NFASC: variants seen among roughly 807,000 people sequenced by gnomAD.
NFASC encodes the protein neurofascin homolog.
A neutral mutation model predicts 147.5 loss-of-function variants in NFASC; 43 were observed. The ratio of observed to expected loss-of-function variants is 0.29; its 90% confidence interval spans 0.23 to 0.38. The LOEUF is 0.38. Among genes scored for constraint, NFASC ranks in the 10% least tolerant of loss-of-function variants. The pLI is 1.00. For synonymous variants in NFASC, 622 were observed against 665.5 expected, an observed-to-expected ratio of 0.93 and a Z score of 1.01; for missense variants, 1,320 against 1,689.0, an observed-to-expected ratio of 0.78 and a Z score of 3.83.
Position 204,944,340 on chromosome 1 carries a change from T to G in NFASC, c.25T>G (p.Trp9Gly). The G allele has an allele frequency of 6.2e-7, 1 of 1,613,820 alleles. No homozygotes were observed. Among genetic ancestry groups the G allele is most frequent in the Non-Finnish European group, 8.5e-7 (1 of 1,179,920 alleles). Residue 9 changes from tryptophan to glycine, a missense_variant, in exon 3 of 30, where the codon TGG becomes GGG. Physicochemically the swap from Trp to Gly is radical, Grantham distance 184 (BLOSUM62 -2). This residue lies in a region of NFASC where 981 missense variants were observed against 1,289.5 expected (regional missense o/e 0.76). Transcript: ENST00000339876. MARQPPPP[W>G]VHAAFLLCLL... is the part of the protein sequence containing the mutation. Reference sequence around the variant, plus strand: ...GATGGCCAGGCAGCCACCGCCGCCCTGGGTCCATGCAGCCTTCCTCCTCTG... The same window carrying G: ...GATGGCCAGGCAGCCACCGCCGCCCGGGGTCCATGCAGCCTTCCTCCTCTG...
At position 204,975,446 on chromosome 1, in the gene NFASC, G is replaced by T. The variant is rs368589373; in HGVS notation, c.1706+28G>T. On this transcript the variant is annotated intron_variant, in intron 15 of 29. Transcript: ENST00000339876. The surrounding 1 kb of genome is among the most constrained non-coding windows in gnomAD (Gnocchi z 4.0). ...TTCTCTTCCCCCTTCCCCCTTCCTA[G>T]TGCTAGTTTGAGGCGCATTTTCTTT... is the stretch of plus-strand genomic sequence containing the variant. The T allele has an allele frequency of 5.6e-6, 9 of 1,594,720 alleles. No individual in the cohort carries two copies. Among genetic ancestry groups the T allele is most frequent in the Non-Finnish European group, 7.7e-6 (9 of 1,164,940 alleles).
intron 27 of NFASC, among the ~76,000 whole-genome samples, chr1:205,007,064 G>A (rs2096130594): frequency 6.6e-6 from 1 of 151,962 alleles, no homozygotes; most frequent in South Asian, 2.1e-4. Flanking sequence ...AGAGTTGTCG[G>A]GAGCTGGAGG....
At chr1:204,898,403 G>A (rs1181268942) in intron 1 of NFASC, among the ~76,000 whole-genome samples, 1 of 152,200 alleles carries the variant, frequency 6.6e-6, no homozygotes, top group Non-Finnish European at 1.5e-5. Context: ...TTTCCCTCGA[G>A]TTTCTTAGGA....
At chr1:205,003,108 C>G (rs2096027264) in intron 27 of NFASC, among the ~76,000 whole-genome samples, 1 of 152,132 alleles carries the variant, frequency 6.6e-6, no homozygotes, top group Non-Finnish European at 1.5e-5. Flanking sequence ...TGCAGCCTGG[C>G]CTGTGCGCAC....
intron 1 of NFASC, among the ~76,000 whole-genome samples, chr1:204,838,715 T>C (rs1472281149): frequency 6.6e-6 from 1 of 152,174 alleles, no homozygotes; most frequent in Non-Finnish European, 1.5e-5. Context: ...CAGAGAAAGG[T>C]TCCCGGTCCT....
At position 204,975,958 on chromosome 1, in the gene NFASC, AG is replaced by A. The variant is rs1312035718; in HGVS notation, c.1706+541del. Among the ~76,000 whole-genome samples, 1 of 152,132 alleles carries A rather than the reference AG, an allele frequency of 6.6e-6. No individual in the cohort carries two copies. Among genetic ancestry groups the A allele is most frequent in the African/African-American group, 2.4e-5 (1 of 41,426 alleles). ...ACTTAGGACACTGGCAGGGTTTAAA[AG>A]TCCCCCTGGGGGTTCCAGTGTGCAT... On this transcript the variant is annotated intron_variant, in intron 15 of 29. Coordinates refer to ENST00000339876, the MANE Select transcript of NFASC (RefSeq NM_001005388.3). The surrounding 1 kb of genome is among the most constrained non-coding windows in gnomAD (Gnocchi z 4.0).
intron 1 of NFASC, among the ~76,000 whole-genome samples, chr1:204,874,977 C>T (rs1271242939): frequency 6.6e-6 from 1 of 152,178 alleles, no homozygotes; most frequent in Non-Finnish European, 1.5e-5. Flanking sequence ...GCAAATACCA[C>T]AATCCCCATT....
intron 4 of NFASC, among the ~76,000 whole-genome samples, chr1:204,951,542 C>T (rs1386387102): frequency 6.7e-6 from 1 of 148,934 alleles, no homozygotes; most frequent in Non-Finnish European, 1.5e-5. Context: ...GATCTCGGCT[C>T]ACTGCAAGCT....
rs2096404064 is a variant in NFASC, at chr1:205,022,112, CA to C, written c.*5577del. ...AAAGACTTCAGTGAAGCAATAAACA[CA>C]AAACTCTGGGAGAAGATATCCAGAA... On this transcript the variant is annotated 3_prime_UTR_variant, in exon 30 of 30. Coordinates refer to ENST00000339876, the MANE Select transcript of NFASC (RefSeq NM_001005388.3). The C allele has an allele frequency of 6.5e-6, 1 of 152,756 alleles. No individual in the cohort carries two copies. The highest frequency in any genetic ancestry group is 6.5e-5 in the Admixed American group (1 of 15,302). 9.5% of individuals were successfully genotyped at this position (152,756 alleles called of 1,614,324 possible).
chr1:204,870,363 G>A (rs1292819476), intron 1 of NFASC, among the ~76,000 whole-genome samples: 1 of 152,192 alleles, frequency 6.6e-6, no homozygotes, highest in Non-Finnish European at 1.5e-5. Context: ...TGTGGGGCCA[G>A]CACACAGCCC....
At chr1:204,936,060 G>C (rs1441964998) in intron 2 of NFASC, among the ~76,000 whole-genome samples, 3 of 152,048 alleles carry the variant, frequency 2.0e-5, no homozygotes, top group Admixed American at 2.0e-4. Context: ...GAGTGGGAGG[G>C]GGGTCCTGAG....
At chr1:204,845,956 C>T (rs909758224) in intron 1 of NFASC, among the ~76,000 whole-genome samples, 2 of 152,092 alleles carry the variant, frequency 1.3e-5, no homozygotes, top group South Asian at 2.1e-4. Flanking sequence ...GGCTGGAATT[C>T]GGAAGAAATG....
At chr1:204,905,370 GT>G (rs34545947) in intron 1 of NFASC, among the ~76,000 whole-genome samples, 44,759 of 146,978 alleles carry the variant, frequency 0.3, 6,798 homozygotes, top group African/African-American at 0.34. Context: ...GTTATTTTCA[GT>G]TTTTTTTTTT....
intron 2 of NFASC, among the ~76,000 whole-genome samples, chr1:204,927,985 G>A (rs183671721): frequency 7.0e-4 from 107 of 152,320 alleles, no homozygotes; most frequent in Middle Eastern, 3.4e-3. Flanking sequence ...GGTGGGATCG[G>A]AATTCCTCCC....
intron 1 of NFASC, among the ~76,000 whole-genome samples, chr1:204,852,493 C>T (rs1163020240): frequency 6.6e-6 from 1 of 152,130 alleles, no homozygotes; most frequent in Non-Finnish European, 1.5e-5. Flanking sequence ...GAGTGAAACT[C>T]CGTCTGAAAA....
At chr1:204,878,558 TG>T (rs2079494671) in intron 1 of NFASC, among the ~76,000 whole-genome samples, 1 of 152,344 alleles carries the variant, frequency 6.6e-6, no homozygotes, top group South Asian at 2.1e-4. Flanking sequence ...TGGTAAAATA[TG>T]GAATTATAAT....
At chr1:204,899,133 C>T (rs1426617705) in intron 1 of NFASC, among the ~76,000 whole-genome samples, 3 of 152,114 alleles carry the variant, frequency 2.0e-5, no homozygotes, top group Admixed American at 6.6e-5. Flanking sequence ...TAAGCACATA[C>T]GTATCAAAGG....
intron 2 of NFASC, among the ~76,000 whole-genome samples, chr1:204,931,689 A>C (rs868107356): frequency 2.6e-5 from 4 of 152,098 alleles, no homozygotes; most frequent in Admixed American, 6.5e-5. Flanking sequence ...AGACATTTCA[A>C]ACTGAATATA....
At position 204,986,119 on chromosome 1, in the gene NFASC, G is replaced by A; in HGVS notation, c.2471-1299G>A. ...AGTTCACCACCCCGGAAGGAGGTAG[G>A]TCTGGCCTGCAGCTCTTCAGGGTGG... On this transcript the variant is annotated intron_variant, in intron 21 of 29. Coordinates refer to ENST00000339876, the MANE Select transcript of NFASC (RefSeq NM_001005388.3). This position sits in a 1 kb window ranked among gnomAD's most constrained non-coding sequence, Gnocchi z 4.2. 6.2e-7 allele frequency: 1 copy of A among 1,610,912 alleles called. No homozygotes were observed. Among genetic ancestry groups the A allele is most frequent in the Non-Finnish European group, 8.5e-7 (1 of 1,177,058 alleles).
Sources: allele counts gnomAD v4.1 joint callset (sites outside exome capture counted in the v4.1 genomes callset), GRCh38; gene constraint gnomAD v4.1.1; regional missense constraint gnomAD v4.1.1; non-coding constraint Gnocchi (gnomAD v3.1); transcripts MANE v1.5; gene names NCBI Gene and HGNC (gene_info 2026-07-23, HGNC 2026-07-21).